CNIH3: variants seen among roughly 807,000 people sequenced by gnomAD.
CNIH3 encodes the protein protein cornichon homolog 3.
In CNIH3, 14 loss-of-function variants were observed where a neutral mutation model predicts 24.1. That is an observed-to-expected ratio of 0.58 (90% CI 0.38 to 0.91). CNIH3 has a LOEUF of 0.91. Ranked by LOEUF, CNIH3 falls within the 40% of genes least tolerant of loss-of-function variation. The pLI is 0.00. For synonymous variants in CNIH3, 68 were observed against 73.8 expected (o/e 0.92, Z 0.40); for missense variants, 178 against 196.8 (o/e 0.90, Z 0.57).
At position 224,704,623 on chromosome 1, in the gene CNIH3, C is replaced by T. The variant is rs1404641255; in HGVS notation, c.198+19780C>T. On this transcript the variant is annotated intron_variant, in intron 3 of 5. Transcript: ENST00000272133. The surrounding 1 kb of genome is among the most constrained non-coding windows in gnomAD (Gnocchi z 4.2). ...ATGTACAGCACATACTTTTTTTTTG[C>T]TGGACCATTTAATTGTATACATCAT... Among the ~76,000 whole-genome samples, 2 of 151,874 alleles carry T rather than the reference C, an allele frequency of 1.3e-5. No individual in the cohort carries two copies. The highest frequency in any genetic ancestry group is 2.9e-5 in the Non-Finnish European group (2 of 67,964).
intron 1 of CNIH3, among the ~76,000 whole-genome samples, chr1:224,619,868 C>T (rs577005820): frequency 2.6e-5 from 4 of 152,294 alleles, no homozygotes; most frequent in East Asian, 1.9e-4. Context: ...ATGAAGATGG[C>T]GTGCTTTTCT....
chr1:224,682,310 A>G (rs1203718824), intron 2 of CNIH3, among the ~76,000 whole-genome samples: 5 of 152,218 alleles, frequency 3.3e-5, no homozygotes, highest in Admixed American at 1.3e-4. Context: ...ACTCGTTTGT[A>G]CAGGGATTTA....
At chr1:224,599,566 TAAG>T (rs1261777074) in intron 3 of CNIH3, among the ~76,000 whole-genome samples, 41 of 151,796 alleles carry the variant, frequency 2.7e-4, no homozygotes, top group Non-Finnish European at 1.3e-4. Flanking sequence ...TTTATATAAA[TAAG>T]TTCATAATTT....
At chr1:224,687,451 T>G (rs1284087063) in intron 3 of CNIH3, among the ~76,000 whole-genome samples, 1 of 152,152 alleles carries the variant, frequency 6.6e-6, no homozygotes, top group African/African-American at 2.4e-5. Flanking sequence ...CAGGCTGGTC[T>G]GAAACTCCTG....
At chr1:224,495,285 A>C (rs765869723) in intron 1 of CNIH3, among the ~76,000 whole-genome samples, 4 of 152,228 alleles carry the variant, frequency 2.6e-5, no homozygotes, top group Non-Finnish European at 5.9e-5. Flanking sequence ...TTCCTATGGC[A>C]GAAGGAGAGG....
intron 1 of CNIH3, among the ~76,000 whole-genome samples, chr1:224,452,844 G>C (rs1332776863): frequency 1.3e-5 from 2 of 149,972 alleles, no homozygotes; most frequent in East Asian, 4.0e-4. Context: ...ATTATGGCCA[G>C]GTGCGGTGGC....
intron 3 of CNIH3, among the ~76,000 whole-genome samples, chr1:224,610,678 AAC>A (rs1682650150): frequency 3.9e-5 from 6 of 152,348 alleles, no homozygotes; most frequent in African/African-American, 9.6e-5. Flanking sequence ...ACCTTCAATA[AAC>A]AGAGGTATTG....
chr1:224,600,963 AG>A (rs1682182564), intron 3 of CNIH3, among the ~76,000 whole-genome samples: 1 of 152,226 alleles, frequency 6.6e-6, no homozygotes, highest in South Asian at 2.1e-4. Context: ...GAATCCAAAC[AG>A]GTCTGCAGCA....
chr1:224,720,839 C>T (rs4653595), intron 3 of CNIH3, among the ~76,000 whole-genome samples: 40,663 of 151,932 alleles, frequency 0.27, 5,602 homozygotes, highest in East Asian at 0.35. Flanking sequence ...AGATAGCCCA[C>T]GTGATGGAAC....
intron 3 of CNIH3, among the ~76,000 whole-genome samples, chr1:224,597,731 C>T (rs1431099990): frequency 6.6e-6 from 1 of 152,134 alleles, no homozygotes; most frequent in Non-Finnish European, 1.5e-5. Context: ...TTATAATAAA[C>T]TGGTAAGTAT....
intron 1 of CNIH3, among the ~76,000 whole-genome samples, chr1:224,500,785 T>C (rs550998435): frequency 2.0e-5 from 3 of 152,312 alleles, no homozygotes; most frequent in South Asian, 4.1e-4. Context: ...CAGTCGCCAG[T>C]GGGCTGGGAT....
At chr1:224,645,807 G>A (rs1189470341) in intron 1 of CNIH3, among the ~76,000 whole-genome samples, 1 of 152,220 alleles carries the variant, frequency 6.6e-6, no homozygotes, top group Non-Finnish European at 1.5e-5. Context: ...TTATGTTGCA[G>A]TACATTTTCT....
intron 3 of CNIH3, among the ~76,000 whole-genome samples, chr1:224,564,782 C>G (rs1206129153): frequency 6.6e-6 from 1 of 152,244 alleles, no homozygotes; most frequent in Non-Finnish European, 1.5e-5. Flanking sequence ...TTGTCCTGCT[C>G]TACCTTCCAC....
chr1:224,711,671 T>G (rs1360431466), intron 3 of CNIH3, among the ~76,000 whole-genome samples: 2 of 151,244 alleles, frequency 1.3e-5, no homozygotes, highest in African/African-American at 4.9e-5. Context: ...GGTACCCGCC[T>G]GTAGTCCCAC....
At chr1:224,638,648 G>T (rs548090341) in intron 1 of CNIH3, among the ~76,000 whole-genome samples, 3 of 152,168 alleles carry the variant, frequency 2.0e-5, no homozygotes, top group Non-Finnish European at 4.4e-5. Context: ...GAAGGCTTAC[G>T]TGGGTTCAGG....
At chr1:224,654,766 A>G (rs533992891) in intron 1 of CNIH3, among the ~76,000 whole-genome samples, 1 of 152,336 alleles carries the variant, frequency 6.6e-6, no homozygotes, top group South Asian at 2.1e-4. Flanking sequence ...TTTTTAATAA[A>G]AAATACCTCT....
At chr1:224,657,435 A>AGAC (rs1440117007) in intron 1 of CNIH3, among the ~76,000 whole-genome samples, 2 of 149,946 alleles carry the variant, frequency 1.3e-5, no homozygotes, top group East Asian at 1.9e-4. Flanking sequence ...GAGAGAGAGA[A>AGAC]ATATGCCTCA....
chr1:224,634,361 G>C (rs1361679508), intron 1 of CNIH3, among the ~76,000 whole-genome samples: 2 of 152,162 alleles, frequency 1.3e-5, no homozygotes, highest in Non-Finnish European at 2.9e-5. Context: ...ATGAGGTCAG[G>C]TGTTCGAGAT....
At chr1:224,506,982 G>A (rs1558116584) in intron 1 of CNIH3, among the ~76,000 whole-genome samples, 1 of 152,006 alleles carries the variant, frequency 6.6e-6, no homozygotes, top group Admixed American at 6.6e-5. Context: ...TCCTACCTCA[G>A]CCTTCTGAGT....
Sources: gnomAD v4.1 joint callset for allele counts (sites outside exome capture counted in the v4.1 genomes callset) on GRCh38, gnomAD v4.1.1 for gene constraint, Gnocchi (gnomAD v3.1) non-coding constraint, MANE v1.5 for transcripts, NCBI Gene and HGNC (gene_info 2026-07-23, HGNC 2026-07-21) for gene names.